The following THSD4 variants were observed in gnomAD, a reference collection of about 807,000 sequenced individuals.
THSD4 encodes the protein thrombospondin type-1 domain-containing protein 4.
THSD4 carries 69 observed loss-of-function variants against 119.0 expected under a neutral mutation model. That is an observed-to-expected ratio of 0.58 (90% CI 0.48 to 0.71). The LOEUF (loss-of-function observed/expected upper bound fraction) is 0.71, where lower values mean the gene tolerates loss of function less well. Ranked by LOEUF, THSD4 falls within the 30% of genes least tolerant of loss-of-function variation. The pLI is 0.00. For synonymous variants in THSD4, 524 were observed against 540.4 expected (o/e 0.97, Z 0.42); for missense variants, 1,393 against 1,391.1 (o/e 1.00, Z -0.02).
chr15:71,770,205 A>G (rs900121936), intron 16 of THSD4, among the ~76,000 whole-genome samples: 8 of 130,806 alleles, frequency 6.1e-5, no homozygotes, highest in African/African-American at 1.8e-4. Context: ...CTGAGATTGC[A>G]CTATTGCACT....
intron 6 of THSD4, among the ~76,000 whole-genome samples, chr15:71,277,652 A>G (rs758781327): frequency 1.1e-4 from 16 of 152,216 alleles, no homozygotes; most frequent in Non-Finnish European, 2.1e-4. Context: ...CGTGTGACAT[A>G]CATTACCCTG....
chr15:71,149,085 C>T (rs912893054), intron 2 of THSD4, among the ~76,000 whole-genome samples: 1 of 149,982 alleles, frequency 6.7e-6, no homozygotes, highest in African/African-American at 2.5e-5. Flanking sequence ...ATCACCCAGG[C>T]TGGAGTGCAG....
At chr15:71,364,856 G>C (rs2045935664) in intron 6 of THSD4, among the ~76,000 whole-genome samples, 1 of 152,160 alleles carries the variant, frequency 6.6e-6, no homozygotes. Flanking sequence ...GCTGATTCTG[G>C]GGGTGGGTTA....
intron 7 of THSD4, among the ~76,000 whole-genome samples, chr15:71,490,319 G>A (rs372651308): frequency 1.0e-3 from 159 of 152,170 alleles, no homozygotes; most frequent in South Asian, 6.6e-3. Context: ...CCAGCACTTT[G>A]GGACGCCAAG....
intron 8 of THSD4, among the ~76,000 whole-genome samples, chr15:71,687,766 A>AC (rs1555441467): frequency 0.013 from 423 of 31,388 alleles, 5 homozygotes; most frequent in African/African-American, 0.023. Flanking sequence ...AAAAAAAAAA[A>AC]AAAAAACAAA....
At chr15:71,255,338 A>T (rs1299626675) in intron 5 of THSD4, among the ~76,000 whole-genome samples, 1 of 152,144 alleles carries the variant, frequency 6.6e-6, no homozygotes, top group Non-Finnish European at 1.5e-5. Context: ...AGAGATTCTG[A>T]TCTTGTTATT....
At chr15:71,473,647 C>T (rs1595801853) in intron 7 of THSD4, among the ~76,000 whole-genome samples, 1 of 152,206 alleles carries the variant, frequency 6.6e-6, no homozygotes, top group African/African-American at 2.4e-5. Context: ...GGAACATTCC[C>T]TTCCCATTGC....
chr15:71,239,688 G>T (rs2044136023), intron 4 of THSD4, among the ~76,000 whole-genome samples: 1 of 152,186 alleles, frequency 6.6e-6, no homozygotes, highest in Admixed American at 6.5e-5. Context: ...CCTACCACAT[G>T]ATTCTCCTGA....
At chr15:71,443,065 G>T (rs1160679741) in intron 7 of THSD4, among the ~76,000 whole-genome samples, 1 of 152,086 alleles carries the variant, frequency 6.6e-6, no homozygotes, top group African/African-American at 2.4e-5. Context: ...ACAAGAGAAA[G>T]GGGGAGAAAG....
rs190063811 is a variant in THSD4, at chr15:71,748,034, C to G, written c.2242-387C>G. ...CCATTCTGTCAGTCTTATGATTTCT[C>G]CCTTAACATCAGTGCTGGTCGGTTG... On this transcript the variant is annotated intron_variant, in intron 13 of 17. Transcript: ENST00000261862. 4.5e-3 allele frequency among the ~76,000 whole-genome samples: 690 copies of G among 152,202 alleles called. 7 individuals carry two copies. The highest frequency in any genetic ancestry group is 0.016 in the African/African-American group (656 of 41,538).
intron 2 of THSD4, among the ~76,000 whole-genome samples, chr15:71,142,886 G>A (rs1002639640): frequency 3.3e-5 from 5 of 152,292 alleles, no homozygotes; most frequent in South Asian, 2.1e-4. Flanking sequence ...AAGTAAAATG[G>A]TCTGTAATAT....
At chr15:71,132,379 T>G (rs2040511591) in intron 1 of THSD4, among the ~76,000 whole-genome samples, 1 of 152,234 alleles carries the variant, frequency 6.6e-6, no homozygotes, top group Non-Finnish European at 1.5e-5. Context: ...TTTTGAATAT[T>G]ACTAATGAGA....
chr15:71,492,558 A>C (rs1186077270), intron 7 of THSD4, among the ~76,000 whole-genome samples: 2 of 152,136 alleles, frequency 1.3e-5, no homozygotes, highest in Admixed American at 1.3e-4. Flanking sequence ...AAGTGCTGGG[A>C]TTACTTAGGT....
chr15:71,569,233 G>C (rs576586236), intron 7 of THSD4, among the ~76,000 whole-genome samples: 1 of 152,280 alleles, frequency 6.6e-6, no homozygotes, highest in Non-Finnish European at 1.5e-5. Flanking sequence ...CCACACGGAG[G>C]CTTTCTTTGC....
intron 7 of THSD4, among the ~76,000 whole-genome samples, chr15:71,475,652 G>A (rs1427825858): frequency 6.6e-6 from 1 of 152,196 alleles, no homozygotes; most frequent in Non-Finnish European, 1.5e-5. Flanking sequence ...GCCAGGCGTG[G>A]TGGCTCATGC....
chr15:71,511,636 A>G (rs187009530), intron 7 of THSD4, among the ~76,000 whole-genome samples: 1 of 152,322 alleles, frequency 6.6e-6, no homozygotes, highest in East Asian at 1.9e-4. Context: ...CCTTCCAACC[A>G]CAAATCATTT....
intron 6 of THSD4, among the ~76,000 whole-genome samples, chr15:71,397,351 C>T (rs1249084659): frequency 6.6e-6 from 1 of 152,190 alleles, no homozygotes; most frequent in Non-Finnish European, 1.5e-5. Flanking sequence ...TGCAGGAGGT[C>T]AAGGACCTGG....
rs1320557021 is a variant in THSD4, at chr15:71,199,663, GCA to G, written c.100-15371_100-15370del. On this transcript the variant is annotated intron_variant, in intron 3 of 17. Coordinates refer to ENST00000261862, the MANE Select transcript of THSD4 (RefSeq NM_024817.3). ...TGTGTGTGTGGTGTGTGTGTGTGAT[GCA>G]TGTGTGGAGGGTGTGTGTGTGTGTG... 1.5e-3 allele frequency among the ~76,000 whole-genome samples: 156 copies of G among 103,158 alleles called. 3 individuals are homozygous for G. Among genetic ancestry groups the G allele is most frequent in the African/African-American group, 5.6e-3 (132 of 23,482 alleles). The allele number at this position is 103,158 out of a possible 152,430, so 67.7% of individuals were successfully genotyped here. A position where few individuals can be genotyped will look rare whatever the true frequency, so the allele number is the denominator to read the frequency against.
At chr15:71,516,722 A>G (rs549252547) in intron 7 of THSD4, among the ~76,000 whole-genome samples, 1 of 152,282 alleles carries the variant, frequency 6.6e-6, no homozygotes, top group South Asian at 2.1e-4. Flanking sequence ...TTCTTGCTCT[A>G]AGAACTCTAG....
Sources: allele counts gnomAD v4.1 joint callset (sites outside exome capture counted in the v4.1 genomes callset), GRCh38; gene constraint gnomAD v4.1.1; transcripts MANE v1.5; gene names NCBI Gene and HGNC (gene_info 2026-07-23, HGNC 2026-07-21).